Variants in SLC2A12 observed in about 807,000 individuals in gnomAD.
SLC2A12 encodes solute carrier family 2, facilitated glucose transporter member 12.
A neutral mutation model predicts 41.8 loss-of-function variants in SLC2A12; 23 were observed. That is an observed-to-expected ratio of 0.55 (90% CI 0.40 to 0.78). The LOEUF (loss-of-function observed/expected upper bound fraction) is 0.78. Among genes scored for constraint, SLC2A12 ranks in the 30% least tolerant of loss-of-function variants. The probability of loss-of-function intolerance (pLI) is 0.00; values close to 1 mark genes in which losing one functional copy is unlikely to be tolerated. For synonymous variants in SLC2A12, 295 were observed against 285.9 expected (o/e 1.03, Z -0.32); for missense variants, 654 against 745.6 (o/e 0.88, Z 1.43).
At chr6:134,044,713 T>TAAAAAA (rs35658583) in intron 1 of SLC2A12, among the ~76,000 whole-genome samples, 1 of 100,522 alleles carries the variant, frequency 9.9e-6, no homozygotes. Flanking sequence ...AAACTCCGTC[T>TAAAAAA]AAAAAAAAAA....
In SLC2A12 at chr6:134,006,762, A is replaced by T. The variant is rs769320883; in HGVS notation, c.1567+50T>A. 12 of 1,608,542 alleles carry T rather than the reference A, an allele frequency of 7.5e-6. No individual in the cohort carries two copies. In the South Asian group the frequency reaches 1.3e-4, roughly 18 times the overall value. On this transcript the variant is annotated intron_variant, in intron 3 of 4. Transcript: ENST00000275230. ...CTTTAGGTGGGTGTGATTCCCTAAC[A>T]TTTGTCCTACGAGGACCAAAGACAT...
chr6:134,023,302 T>C (rs1356305732), intron 2 of SLC2A12, among the ~76,000 whole-genome samples: 1 of 152,038 alleles, frequency 6.6e-6, no homozygotes, highest in Non-Finnish European at 1.5e-5. Context: ...ATGGCAGATA[T>C]AGGAAGGAAA....
chr6:134,015,782 C>G (rs1776952684), intron 2 of SLC2A12, among the ~76,000 whole-genome samples: 1 of 152,206 alleles, frequency 6.6e-6, no homozygotes. Flanking sequence ...GAACCTGCTG[C>G]TCCACATCCT....
chr6:134,022,261 T>C (rs1307892984), intron 2 of SLC2A12, among the ~76,000 whole-genome samples: 1 of 152,210 alleles, frequency 6.6e-6, no homozygotes, highest in Non-Finnish European at 1.5e-5. Flanking sequence ...TTCTATTGAA[T>C]GGCTCATGCC....
Position 133,989,215 on chromosome 6 carries a change from AATAT to A in SLC2A12, c.*1936_*1939del, listed in dbSNP as rs1184223950. 1 of 152,142 alleles carries A rather than the reference AATAT, an allele frequency of 6.6e-6. No individual in the cohort carries two copies. Among genetic ancestry groups the A allele is most frequent in the Non-Finnish European group, 1.5e-5 (1 of 68,032 alleles). 9.4% of individuals were successfully genotyped at this position (152,142 alleles called of 1,614,324 possible). On this transcript the variant is annotated 3_prime_UTR_variant, in exon 5 of 5. Transcript: ENST00000275230. The stretch of plus-strand genomic sequence containing the variant: ...ATTTTTTTTATAAATAAAAACTGTG[AATAT>A]ATATGTACAAGTTGTAAGTATTTCC...
chr6:133,993,913 G>A (rs558007853), intron 4 of SLC2A12, among the ~76,000 whole-genome samples: 1 of 152,296 alleles, frequency 6.6e-6, no homozygotes, highest in African/African-American at 2.4e-5. Context: ...GAAGGGCATT[G>A]GAAGGCTTCT....
chr6:133,993,165 TTCTC>T (rs1280016074), intron 4 of SLC2A12, among the ~76,000 whole-genome samples: 1 of 152,150 alleles, frequency 6.6e-6, no homozygotes, highest in Non-Finnish European at 1.5e-5. Context: ...GCCTAGTCCC[TTCTC>T]TCTCTGTTCT....
chr6:134,043,345 G>A (rs1288146287), intron 1 of SLC2A12, among the ~76,000 whole-genome samples: 1 of 152,058 alleles, frequency 6.6e-6, no homozygotes, highest in Non-Finnish European at 1.5e-5. Context: ...GGGGAGGAAG[G>A]AGGCATGTGG....
intron 1 of SLC2A12, among the ~76,000 whole-genome samples, chr6:134,039,534 T>A (rs1174303019): frequency 6.6e-6 from 1 of 152,234 alleles, no homozygotes; most frequent in Non-Finnish European, 1.5e-5. Flanking sequence ...ATAACCAGAT[T>A]TGCAGCATTG....
At chr6:134,005,659 TAAAAAAAAAAAAAAAAAAAA>T (rs56710009) in intron 3 of SLC2A12, among the ~76,000 whole-genome samples, 3 of 64,956 alleles carry the variant, frequency 4.6e-5, no homozygotes. Flanking sequence ...GACTCTGTCT[TAAAAAAAAAAAAAAAAAAAA>T]AAAAAAAAAA....
intron 2 of SLC2A12, among the ~76,000 whole-genome samples, chr6:134,018,086 C>A (rs771425930): frequency 1.3e-5 from 2 of 150,970 alleles, no homozygotes; most frequent in Admixed American, 1.3e-4. Flanking sequence ...GGAAAGAAGA[C>A]CACAGCATCG....
chr6:134,026,850 G>A (rs1487029714), intron 2 of SLC2A12, among the ~76,000 whole-genome samples: 2 of 152,190 alleles, frequency 1.3e-5, no homozygotes, highest in Admixed American at 6.5e-5. Context: ...CTCTGACTTG[G>A]CACAGCAAAG....
rs73552762 is a variant in SLC2A12, at chr6:134,048,067, C to T, written c.103+4311G>A. ...CCAGAGTTTGCAGAGAAACATCTCC[C>T]ACCATGTTCGCAGCCTTTTCCCTTC... is the stretch of plus-strand genomic sequence containing the variant. On this transcript the variant is annotated intron_variant, in intron 1 of 4. Transcript: ENST00000275230. Among the ~76,000 whole-genome samples the T allele has an allele frequency of 2.7e-3, 405 of 152,330 alleles. 2 individuals are homozygous for T. The highest frequency in any genetic ancestry group is 9.2e-3 in the African/African-American group (384 of 41,566).
chr6:134,049,295 A>G (rs887809399), intron 1 of SLC2A12, among the ~76,000 whole-genome samples: 45 of 152,308 alleles, frequency 3.0e-4, no homozygotes, highest in African/African-American at 1.1e-3. Flanking sequence ...CTGCACTCAT[A>G]CAGTAAATAT....
At chr6:133,994,466 G>A (rs529752608) in intron 4 of SLC2A12, among the ~76,000 whole-genome samples, 87 of 152,288 alleles carry the variant, frequency 5.7e-4, no homozygotes, top group Middle Eastern at 3.4e-3. Flanking sequence ...GGTGGCTCAC[G>A]CCTGTAATCC....
intron 2 of SLC2A12, among the ~76,000 whole-genome samples, chr6:134,025,702 T>G (rs1361105225): frequency 6.6e-6 from 1 of 152,084 alleles, no homozygotes; most frequent in East Asian, 1.9e-4. Flanking sequence ...TGTGCCACAA[T>G]GCCTAGCTGT....
intron 1 of SLC2A12, among the ~76,000 whole-genome samples, chr6:134,049,196 G>A (rs1306341017): frequency 6.6e-6 from 1 of 152,180 alleles, no homozygotes; most frequent in African/African-American, 2.4e-5. Context: ...CTTCAGAGGG[G>A]ATAAAGGACA....
chr6:134,024,588 C>A (rs1163864668), intron 2 of SLC2A12, among the ~76,000 whole-genome samples: 1 of 152,232 alleles, frequency 6.6e-6, no homozygotes, highest in Admixed American at 6.5e-5. Flanking sequence ...TACCCAGGCC[C>A]TACTATACCC....
At chr6:134,018,867 A>G (rs771449611) in intron 2 of SLC2A12, among the ~76,000 whole-genome samples, 3 of 151,958 alleles carry the variant, frequency 2.0e-5, no homozygotes, top group Non-Finnish European at 4.4e-5. Context: ...CATGTGCTGG[A>G]TGTGTGAGTG....
Sources: gnomAD v4.1 joint callset for allele counts (sites outside exome capture counted in the v4.1 genomes callset) on GRCh38, gnomAD v4.1.1 for gene constraint, MANE v1.5 for transcripts, NCBI Gene and HGNC (gene_info 2026-07-23, HGNC 2026-07-21) for gene names.